MAPK9: variants seen among roughly 807,000 people sequenced by gnomAD.
The protein encoded by MAPK9 is Jun kinase.
A neutral mutation model predicts 57.1 loss-of-function variants in MAPK9; 30 were observed. The ratio of observed to expected loss-of-function variants is 0.53; its 90% CI spans 0.39 to 0.71. MAPK9 has a LOEUF of 0.71. Among genes scored for constraint, MAPK9 ranks in the 30% least tolerant of loss-of-function variants. MAPK9 has a pLI of 0.00. For missense variants in MAPK9, 362 were observed against 521.0 expected (o/e 0.69, Z 2.97); for synonymous variants, 155 against 177.0 (o/e 0.88, Z 0.99).
At chr5:180,283,728 G>A (rs1006293959) in intron 1 of MAPK9, among the ~76,000 whole-genome samples, 2 of 152,184 alleles carry the variant, frequency 1.3e-5, no homozygotes, top group East Asian at 3.9e-4. Context: ...TTGAGGTCAG[G>A]AGTTTGAGAA....
At chr5:180,265,440 T>A (rs894460239) in intron 3 of MAPK9, among the ~76,000 whole-genome samples, 1 of 152,214 alleles carries the variant, frequency 6.6e-6, no homozygotes, top group Admixed American at 6.5e-5. Context: ...CCCCGTGCTG[T>A]TCTTGTGACA....
intron 1 of MAPK9, among the ~76,000 whole-genome samples, chr5:180,289,894 C>T (rs2127636956): frequency 6.6e-6 from 1 of 152,350 alleles, no homozygotes; most frequent in South Asian, 2.1e-4. Context: ...CTTGCTCTGT[C>T]ACCCAGGCTG....
intron 1 of MAPK9, among the ~76,000 whole-genome samples, chr5:180,291,010 G>T (rs1480737164): frequency 6.6e-6 from 1 of 152,230 alleles, no homozygotes; most frequent in African/African-American, 2.4e-5. Context: ...ACTAAGGGAA[G>T]AAAGAGGGTG....
intron 2 of MAPK9, among the ~76,000 whole-genome samples, chr5:180,272,295 GATA>G (rs759351754): frequency 7.2e-5 from 11 of 152,210 alleles, no homozygotes; most frequent in Non-Finnish European, 1.6e-4. Context: ...ACCCTTGATT[GATA>G]ATAAGTTTTC....
chr5:180,269,494 C>G, intron 2 of MAPK9, 85 bp from the exon 3 acceptor site: 4 of 1,280,120 alleles, frequency 3.1e-6, no homozygotes, highest in Non-Finnish European at 4.4e-6. Context: ...AATATATCAT[C>G]TTTTTAATAA....
intron 5 of MAPK9, among the ~76,000 whole-genome samples, chr5:180,252,521 C>G (rs1758821729): frequency 6.6e-6 from 1 of 152,142 alleles, no homozygotes; most frequent in East Asian, 1.9e-4. Flanking sequence ...CACCCCGGGC[C>G]CTGCAGGGTG....
chr5:180,246,251 T>C (rs1319822722), intron 7 of MAPK9: 1 of 152,188 alleles, frequency 6.6e-6, no homozygotes. Context: ...AATAAAGACG[T>C]CCTTATTTAT....
At chr5:180,278,201 C>T (rs552289082) in intron 2 of MAPK9, among the ~76,000 whole-genome samples, 12 of 152,310 alleles carry the variant, frequency 7.9e-5, no homozygotes, top group Admixed American at 6.5e-4. Flanking sequence ...CCCAAAGGCC[C>T]ACAGCTTGTT....
At chr5:180,256,413 G>T (rs1386011152) in intron 5 of MAPK9, among the ~76,000 whole-genome samples, 1 of 151,290 alleles carries the variant, frequency 6.6e-6, no homozygotes, top group East Asian at 1.9e-4. Flanking sequence ...CAGGGGGGCA[G>T]GGGGCAAGAG....
intron 5 of MAPK9, among the ~76,000 whole-genome samples, chr5:180,256,660 G>C (rs1759321414): frequency 1.3e-5 from 2 of 152,036 alleles, no homozygotes; most frequent in South Asian, 4.2e-4. Context: ...GGCTTCTTAG[G>C]TTTCTATACC....
In MAPK9 at chr5:180,234,796, G is replaced by T. The variant is rs938822582; in HGVS notation, c.*1588C>A. The T allele has an allele frequency of 6.6e-6, 1 of 152,124 alleles. No individual in the cohort carries two copies. The highest frequency in any genetic ancestry group is 1.9e-4 in the East Asian group (1 of 5,194). 9.4% of individuals were successfully genotyped at this position (152,124 alleles called of 1,614,324 possible). A position where few individuals can be genotyped will look rare whatever the true frequency, so the allele number is the denominator to read the frequency against. ...TCAATATTAATTTTGCTAATCAAAGGTTCCAGTTTCCAGTGATATGACCAA... is the reference window on the plus strand; with the variant it reads ...TCAATATTAATTTTGCTAATCAAAGTTTCCAGTTTCCAGTGATATGACCAA... On this transcript the variant is annotated 3_prime_UTR_variant, in exon 12 of 12. Transcript: ENST00000452135.
chr5:180,256,728 C>T (rs753780812), intron 5 of MAPK9, among the ~76,000 whole-genome samples: 13 of 152,150 alleles, frequency 8.5e-5, no homozygotes, highest in Non-Finnish European at 1.8e-4. Context: ...CTGCAGGCAC[C>T]GGCTATTCCA....
In MAPK9 at chr5:180,236,388, C is replaced by T. The variant is rs200458599; in HGVS notation, c.1271G>A (p.Arg424Gln). 6.2e-6 allele frequency: 10 copies of T among 1,609,126 alleles called. No homozygotes were observed. Among genetic ancestry groups the T allele is most frequent in the South Asian group, 3.3e-5 (3 of 90,700 alleles). ...AGGTTTGCTATTTCTAACCTATCAT[C>T]GACAGCCTTCAAGGGGTCCCGTCGA... ...DASTGPLEGC[R>Q] The change falls in exon 12 of 12, where the codon CGA becomes CAA. Residue 424 changes from arginine to glutamine, a missense_variant. Arg to Gln is a conservative substitution (Grantham distance 43). Around this residue, in one of 3 missense-constraint regions of MAPK9, gnomAD observed 199 missense variants for 251.3 expected, o/e 0.79. Transcript: ENST00000452135.
chr5:180,240,940 C>A (rs983132353), intron 9 of MAPK9, 91 bp downstream of exon 9: 1 of 1,392,660 alleles, frequency 7.2e-7, no homozygotes, highest in African/African-American at 1.5e-5. Context: ...GAACTTGCTA[C>A]CCATATGTAG....
intron 2 of MAPK9, among the ~76,000 whole-genome samples, chr5:180,274,572 A>G (rs1299587488): frequency 6.6e-6 from 1 of 152,172 alleles, no homozygotes; most frequent in African/African-American, 2.4e-5. Flanking sequence ...CACAGACCTA[A>G]AGCTGTAAGG....
At chr5:180,285,097 G>A (rs745653854) in intron 1 of MAPK9, among the ~76,000 whole-genome samples, 4 of 152,192 alleles carry the variant, frequency 2.6e-5, no homozygotes, top group East Asian at 1.9e-4. Context: ...TATGGAAGAC[G>A]GGCTTCAGGC....
intron 10 of MAPK9, 62 bp from the exon 11 acceptor site, chr5:180,238,465 A>G: frequency 8.6e-7 from 1 of 1,169,026 alleles, no homozygotes; most frequent in Non-Finnish European, 1.3e-6. Context: ...CTGTATCTCT[A>G]AACTCTGCTT....
Position 180,264,765 on chromosome 5 carries a change from T to A in MAPK9, c.311+16A>T. The A allele has an allele frequency of 5.1e-6, 8 of 1,563,622 alleles. No individual in the cohort carries two copies. The highest frequency in any genetic ancestry group is 6.1e-6 in the Non-Finnish European group (7 of 1,154,888). On this transcript the variant is annotated intron_variant, in intron 4 of 11. Transcript: ENST00000452135. The stretch of plus-strand genomic sequence containing the variant: ...CTTTGATGTACAGTGCATTACTGAA[T>A]AAAAATGATACTTACACATCTTGAA...
Position 180,291,938 on chromosome 5 carries a change from C to T in MAPK9, c.-138G>A. On this transcript the variant is annotated 5_prime_UTR_variant, in exon 1 of 12. Coordinates refer to ENST00000452135, the MANE Select transcript of MAPK9 (RefSeq NM_002752.5). ...GTCACTCCTGGCTCCGCGGCCCCGG[C>T]TCCGCCGCCGGCCCGCCCCGCTCCG... 6.8e-6 allele frequency: 1 copy of T among 148,098 alleles called. No individual in the cohort carries two copies. Among genetic ancestry groups the T allele is most frequent in the Non-Finnish European group, 1.5e-5 (1 of 67,404 alleles). The allele number at this position is 148,098 out of a possible 1,614,324, so 9.2% of individuals were successfully genotyped here.
Sources: gnomAD v4.1 joint callset for allele counts (sites outside exome capture counted in the v4.1 genomes callset) on GRCh38, gnomAD v4.1.1 for gene constraint, gnomAD v4.1.1 regional missense constraint, MANE v1.5 for transcripts, NCBI Gene and HGNC (gene_info 2026-07-23, HGNC 2026-07-21) for gene names.